FUBP3: variants seen among roughly 807,000 people sequenced by gnomAD.
FUBP3 encodes far upstream element binding protein 3.
Under a neutral mutation model 85.6 loss-of-function variants are expected in FUBP3, and 28 were observed. The ratio of observed to expected loss-of-function variants is 0.33; its 90% CI spans 0.24 to 0.45. The LOEUF (loss-of-function observed/expected upper bound fraction) is 0.45. Ranked by LOEUF, FUBP3 falls within the 20% of genes least tolerant of loss-of-function variation. The pLI is 1.00. For missense variants in FUBP3, 583 were observed against 755.1 expected, an observed-to-expected ratio of 0.77 and a Z score of 2.67; for synonymous variants, 271 against 271.4, an observed-to-expected ratio of 1.00 and a Z score of 0.01.
chr9:130,609,877 G>A, intron 2 of FUBP3, 77 bp from the exon 3 acceptor site: 1 of 1,130,864 alleles, frequency 8.8e-7, no homozygotes, highest in Admixed American at 1.8e-5. Context: ...CACCCGAAAT[G>A]GTAAGAATGG....
chr9:130,612,468 G>T lies in FUBP3; in HGVS notation c.237G>T (p.Thr79=), dbSNP rs561938858. ...TCTTTGTTTTTAGGACGGTAATAAC[G>T]GAAGAATTCAAAGTGCCTGACAAAA... ...GALVHQRTVI[T]EEFKVPDKMV... is the part of the protein sequence containing the mutation. The change falls in exon 4 of 19, where the codon ACG becomes ACT. Residue 79 remains threonine (T), a synonymous_variant. Coordinates refer to ENST00000319725, the MANE Select transcript of FUBP3 (RefSeq NM_003934.2). This position sits in a 1 kb window ranked among gnomAD's most constrained non-coding sequence, Gnocchi z 4.1. 2.5e-6 allele frequency: 4 copies of T among 1,596,898 alleles called. No individual in the cohort carries two copies. The highest frequency in any genetic ancestry group is 2.2e-5 in the South Asian group (2 of 89,986).
At chr9:130,611,257 C>T (rs1221553317) in intron 3 of FUBP3, among the ~76,000 whole-genome samples, 3 of 152,196 alleles carry the variant, frequency 2.0e-5, no homozygotes, top group Non-Finnish European at 4.4e-5. Context: ...CGCACAAGAG[C>T]CCTGTCATCC....
At chr9:130,609,920 T>G (rs1306597433) in intron 2 of FUBP3, 34 bp from the exon 3 acceptor site, 3 of 1,572,930 alleles carry the variant, frequency 1.9e-6, no homozygotes, top group Non-Finnish European at 2.6e-6. Context: ...GTGCTAATGC[T>G]TTGATTTTTT....
chr9:130,601,155 C>T (rs544198191), intron 2 of FUBP3, among the ~76,000 whole-genome samples: 17 of 152,314 alleles, frequency 1.1e-4, no homozygotes, highest in East Asian at 1.9e-4. Context: ...TAAAATCAGC[C>T]TCATCAGTTG....
intron 11 of FUBP3, among the ~76,000 whole-genome samples, chr9:130,624,691 TATGGGTGGCCCAAGAC>T (rs1192602954): frequency 4.1e-4 from 62 of 151,978 alleles, no homozygotes; most frequent in Admixed American, 1.2e-3. Context: ...TAGTGTATTT[TATGGGTGGCCCAAGAC>T]AGTTCTTCCA....
intron 1 of FUBP3, among the ~76,000 whole-genome samples, chr9:130,586,252 T>C (rs1665705009): frequency 6.6e-6 from 1 of 152,234 alleles, no homozygotes; most frequent in African/African-American, 2.4e-5. Flanking sequence ...TACCATTAAT[T>C]GAAGATCTGC....
chr9:130,619,292 CTG>C (rs1473188504), intron 8 of FUBP3, among the ~76,000 whole-genome samples: 1 of 148,634 alleles, frequency 6.7e-6, no homozygotes, highest in African/African-American at 2.5e-5. Context: ...AATTTTAAAA[CTG>C]TATATTTCAT....
intron 1 of FUBP3, among the ~76,000 whole-genome samples, chr9:130,594,888 CT>C (rs944211827): frequency 1.4e-3 from 89 of 62,492 alleles, no homozygotes; most frequent in Non-Finnish European, 2.5e-3. Context: ...TTTTTTTTTT[CT>C]TCTTAAGATG....
At chr9:130,624,348 A>G (rs945079952) in intron 11 of FUBP3, among the ~76,000 whole-genome samples, 1 of 152,212 alleles carries the variant, frequency 6.6e-6, no homozygotes. Context: ...AGTGCTCTCT[A>G]TGTGATCCCC....
At chr9:130,617,726 C>A in intron 7 of FUBP3, 71 bp from the exon 8 acceptor site, 2 of 977,910 alleles carry the variant, frequency 2.0e-6, no homozygotes, top group Non-Finnish European at 3.3e-6. Context: ...TGACTGGGTC[C>A]GATTTTGTGC....
intron 2 of FUBP3, among the ~76,000 whole-genome samples, chr9:130,603,807 C>G (rs1439605116): frequency 6.6e-6 from 1 of 152,142 alleles, no homozygotes; most frequent in Non-Finnish European, 1.5e-5. Context: ...TTCCAGAGTT[C>G]AACTTGATGG....
intron 12 of FUBP3, among the ~76,000 whole-genome samples, chr9:130,628,128 C>CACACACACACA (rs1554745974): frequency 7.1e-6 from 1 of 140,730 alleles, no homozygotes; most frequent in South Asian, 2.1e-4. Flanking sequence ...ACACACACAC[C>CACACACACACA]CCCTACCCCT....
intron 2 of FUBP3, among the ~76,000 whole-genome samples, chr9:130,605,136 G>A (rs1831355783): frequency 6.6e-6 from 1 of 152,160 alleles, no homozygotes; most frequent in Non-Finnish European, 1.5e-5. Flanking sequence ...GTAAAGCTTA[G>A]GGCTATGAAT....
intron 13 of FUBP3, chr9:130,631,023 C>A: frequency 1.5e-6 from 1 of 682,660 alleles, no homozygotes; most frequent in Non-Finnish European, 2.0e-6. Flanking sequence ...GCCGCAGCAG[C>A]CGAGGCCCCA....
At chr9:130,589,971 C>T (rs1221688187) in intron 1 of FUBP3, among the ~76,000 whole-genome samples, 3 of 147,320 alleles carry the variant, frequency 2.0e-5, no homozygotes, top group Non-Finnish European at 4.5e-5. Flanking sequence ...CTACCCCAGC[C>T]TTCCAAGTGC....
intron 2 of FUBP3, among the ~76,000 whole-genome samples, chr9:130,599,005 A>G (rs1380333244): frequency 1.3e-5 from 2 of 151,992 alleles, no homozygotes; most frequent in Non-Finnish European, 2.9e-5. Flanking sequence ...TCCGAAAAAT[A>G]AATAAGGCCG....
Position 130,638,055 on chromosome 9 carries a change from G to A in FUBP3, c.*1033G>A, listed in dbSNP as rs926009454. The A allele has an allele frequency of 2.0e-5, 3 of 152,382 alleles. No individual in the cohort carries two copies. The highest frequency in any genetic ancestry group is 2.9e-5 in the Non-Finnish European group (2 of 68,024). The allele number at this position is 152,382 out of a possible 1,614,324, so 9.4% of individuals were successfully genotyped here. On this transcript the variant is annotated 3_prime_UTR_variant, in exon 19 of 19. Coordinates refer to ENST00000319725, the MANE Select transcript of FUBP3 (RefSeq NM_003934.2). Reference sequence around the variant, plus strand: ...TATGATTTCCAGTGTTTACTGTAGTGTATCTTGTACAGATAACATGTATTT... The same window carrying A: ...TATGATTTCCAGTGTTTACTGTAGTATATCTTGTACAGATAACATGTATTT...
intron 2 of FUBP3, among the ~76,000 whole-genome samples, chr9:130,607,170 C>G (rs1831501646): frequency 6.6e-6 from 1 of 151,850 alleles, no homozygotes; most frequent in Non-Finnish European, 1.5e-5. Context: ...CAGGGTTTTG[C>G]CATGTTGGCC....
At chr9:130,606,651 T>C (rs1251851336) in intron 2 of FUBP3, among the ~76,000 whole-genome samples, 1 of 151,952 alleles carries the variant, frequency 6.6e-6, no homozygotes, top group East Asian at 1.9e-4. Flanking sequence ...AGAAACCCCG[T>C]CTCTACTAAA....
Sources: allele counts gnomAD v4.1 joint callset (sites outside exome capture counted in the v4.1 genomes callset), GRCh38; gene constraint gnomAD v4.1.1; non-coding constraint Gnocchi (gnomAD v3.1); transcripts MANE v1.5; gene names NCBI Gene and HGNC (gene_info 2026-07-23, HGNC 2026-07-21).